The following TMEM53 variants were observed in gnomAD, a reference collection of about 807,000 sequenced individuals.
TMEM53 encodes the protein novel DUF829 domain-containing protein.
Under a neutral mutation model 21.4 loss-of-function variants are expected in TMEM53, and 14 were observed. The ratio of observed to expected loss-of-function variants is 0.65; its 90% CI spans 0.43 to 1.02. The LOEUF (loss-of-function observed/expected upper bound fraction) is 1.02, where lower values mean the gene tolerates loss of function less well. Ranked by LOEUF, TMEM53 falls within the 50% of genes least tolerant of loss-of-function variation. The pLI, the probability that TMEM53 is intolerant of heterozygous loss-of-function variation, is 0.00. For synonymous variants in TMEM53, 148 were observed against 157.4 expected (o/e 0.94, Z 0.45); for missense variants, 323 against 383.6 (o/e 0.84, Z 1.32).
Position 44,666,194 on chromosome 1 carries a change from C to G in TMEM53, c.62-5899G>C, listed in dbSNP as rs368333600. On this transcript the variant is annotated intron_variant, in intron 1 of 2. Transcript: ENST00000372237. ...AGCCACTATGAGGTATCTCTTTATA[C>G]CCAGGATGGCTATAATTAAAAAGTC... Among the ~76,000 whole-genome samples, 5 of 152,258 alleles carry G rather than the reference C, an allele frequency of 3.3e-5. No homozygotes were observed. The East Asian group carries it at 5.8e-4, about 18-fold the overall frequency.
In TMEM53 at chr1:44,673,810, C is replaced by A. The variant is rs1645044266; in HGVS notation, c.61+521G>T. On this transcript the variant is annotated intron_variant, in intron 1 of 2. Transcript: ENST00000372237. ...TAAAGGAAGGAGTCAGGATTTCAGT[C>A]GAGTTCTACCCGACGGCAGAGACTG... is the stretch of plus-strand genomic sequence containing the variant. The A allele has an allele frequency of 3.1e-6, 3 of 978,226 alleles. No individual in the cohort carries two copies. In the African/African-American group the frequency reaches 5.3e-5, roughly 17 times the overall value. 60.6% of individuals were successfully genotyped at this position (978,226 alleles called of 1,614,324 possible).
intron 1 of TMEM53, among the ~76,000 whole-genome samples, chr1:44,668,314 G>A (rs765792305): frequency 1.3e-5 from 2 of 151,966 alleles, no homozygotes; most frequent in African/African-American, 4.8e-5. Context: ...GGTGGCGGGC[G>A]CCTATAGTCC....
At chr1:44,659,160 C>T (rs1644876419) in intron 2 of TMEM53, among the ~76,000 whole-genome samples, 1 of 152,214 alleles carries the variant, frequency 6.6e-6, no homozygotes, top group South Asian at 2.1e-4. Flanking sequence ...ACATTTTCCC[C>T]CAGTCTCTCT....
At chr1:44,662,516 ACT>A (rs1434314891) in intron 1 of TMEM53, among the ~76,000 whole-genome samples, 1 of 151,916 alleles carries the variant, frequency 6.6e-6, no homozygotes. Flanking sequence ...GCTGGGTCTG[ACT>A]CTGCCCACGA....
In TMEM53 at chr1:44,655,189, GTAT is replaced by G. The variant is rs1644838441; in HGVS notation, c.201_203del (p.Tyr68del). 2 of 1,609,538 alleles carry G rather than the reference GTAT, an allele frequency of 1.2e-6. No individual in the cohort carries two copies. The highest frequency in any genetic ancestry group is 1.7e-6 in the Non-Finnish European group (2 of 1,177,762). The stretch of plus-strand genomic sequence containing the variant: ...AGAAGACCATGTGCCACGGGGCTGT[GTAT>G]CGGATTACGATGCAGCCCTGGGGAG... On this transcript the variant is annotated inframe_deletion, in exon 3 of 3. Coordinates refer to ENST00000372237, the MANE Select transcript of TMEM53 (RefSeq NM_024587.4). This position sits in a 1 kb window ranked among gnomAD's most constrained non-coding sequence, Gnocchi z 4.4.
At position 44,655,306 on chromosome 1, in the gene TMEM53, T is replaced by A. The variant is rs542994983; in HGVS notation, c.184-97A>T. 1.6e-6 allele frequency: 2 copies of A among 1,250,530 alleles called. No individual in the cohort carries two copies. The highest frequency in any genetic ancestry group is 2.2e-6 in the Non-Finnish European group (2 of 913,368). The allele number at this position is 1,250,530 out of a possible 1,614,324, so 77.5% of individuals were successfully genotyped here. On this transcript the variant is annotated intron_variant, in intron 2 of 2. Coordinates refer to ENST00000372237, the MANE Select transcript of TMEM53 (RefSeq NM_024587.4). The surrounding 1 kb of genome is among the most constrained non-coding windows in gnomAD (Gnocchi z 4.4). ...CCCAGCAACCCCAGCCTGTAGGACA[T>A]AGGCCATGGGGCCCACAGCGTCAGC...
chr1:44,657,049 C>A (rs190884094), intron 2 of TMEM53, among the ~76,000 whole-genome samples: 7 of 151,468 alleles, frequency 4.6e-5, no homozygotes, highest in Non-Finnish European at 8.8e-5. Flanking sequence ...AAAATACTAG[C>A]TTGGCGTGGT....
At position 44,664,637 on chromosome 1, in the gene TMEM53, G is replaced by A. The variant is rs1644932085; in HGVS notation, c.62-4342C>T. 2.0e-5 allele frequency among the ~76,000 whole-genome samples: 3 copies of A among 152,140 alleles called. No individual in the cohort carries two copies. In the South Asian group the frequency reaches 6.2e-4, roughly 32 times the overall value. Reference sequence around the variant, plus strand: ...TGTATCCGCTATCCTAGCCAGCCCTGTAGATAACAAAACCATCTCCATCAC... The same window carrying A: ...TGTATCCGCTATCCTAGCCAGCCCTATAGATAACAAAACCATCTCCATCAC... On this transcript the variant is annotated intron_variant, in intron 1 of 2. Coordinates refer to ENST00000372237, the MANE Select transcript of TMEM53 (RefSeq NM_024587.4).
chr1:44,657,883 CT>C (rs1017270960), intron 2 of TMEM53, among the ~76,000 whole-genome samples: 80 of 136,736 alleles, frequency 5.9e-4, no homozygotes, highest in Admixed American at 1.5e-3. Context: ...TTGGGTTGGA[CT>C]TTTTTTTTTT....
At chr1:44,668,416 C>T (rs756540476) in intron 1 of TMEM53, among the ~76,000 whole-genome samples, 4 of 152,034 alleles carry the variant, frequency 2.6e-5, no homozygotes, top group Non-Finnish European at 5.9e-5. Context: ...GAACGATATT[C>T]TGTCTTAAAA....
At position 44,653,697 on chromosome 1, in the gene TMEM53, T is replaced by A. The variant is rs1002785877; in HGVS notation, c.*862A>T. The A allele has an allele frequency of 6.6e-5, 10 of 152,286 alleles. No individual in the cohort carries two copies. The highest frequency in any genetic ancestry group is 2.2e-4 in the African/African-American group (9 of 41,474). The allele number at this position is 152,286 out of a possible 1,614,324, so 9.4% of individuals were successfully genotyped here. A position where few individuals can be genotyped will look rare whatever the true frequency, so the allele number is the denominator to read the frequency against. On this transcript the variant is annotated 3_prime_UTR_variant, in exon 3 of 3. Coordinates refer to ENST00000372237, the MANE Select transcript of TMEM53 (RefSeq NM_024587.4). ...GAGCCATGTGAATGGTACTTTACAC[T>A]GTAGGGCTTCGCCCTGCTGGAGCAA... is the stretch of plus-strand genomic sequence containing the variant.
At chr1:44,660,501 A>G (rs1484652361) in intron 1 of TMEM53, among the ~76,000 whole-genome samples, 1 of 152,212 alleles carries the variant, frequency 6.6e-6, no homozygotes, top group Non-Finnish European at 1.5e-5. Context: ...GTCACCGGAC[A>G]AACCAACACA....
Position 44,655,163 on chromosome 1 carries a change from A to G in TMEM53, c.230T>C (p.Phe77Ser). 1.3e-5 allele frequency: 21 copies of G among 1,613,568 alleles called. No homozygotes were observed. The highest frequency in any genetic ancestry group is 1.4e-5 in the Non-Finnish European group (17 of 1,179,734). ...RYTAPWHMVF[F>S]SESLGIPSLR... The stretch of plus-strand genomic sequence containing the variant: ...TGAAGGGATACCCAGTGACTCGGAG[A>G]AGAAGACCATGTGCCACGGGGCTGT... The change falls in exon 3 of 3, where the codon TTC becomes TCC. Residue 77 changes from phenylalanine (F) to serine (S), a missense_variant. Phe to Ser is a radical substitution (Grantham distance 155). This residue lies in a region of TMEM53 where 269 missense variants were observed against 334.5 expected (regional missense o/e 0.80). Transcript: ENST00000372237. The surrounding 1 kb of genome is among the most constrained non-coding windows in gnomAD (Gnocchi z 4.4).
chr1:44,673,860 G>T, intron 1 of TMEM53: 1 of 985,462 alleles, frequency 1.0e-6, no homozygotes, highest in Non-Finnish European at 1.2e-6. Context: ...GCCGAGAAGA[G>T]TGGAGAGGGA....
At chr1:44,671,143 GAAGT>G (rs1464125271) in intron 1 of TMEM53, among the ~76,000 whole-genome samples, 1 of 152,214 alleles carries the variant, frequency 6.6e-6, no homozygotes, top group Non-Finnish European at 1.5e-5. Context: ...CAAATGAAAT[GAAGT>G]AAGAGAGGGT....
chr1:44,663,866 T>G (rs1644923237), intron 1 of TMEM53, among the ~76,000 whole-genome samples: 1 of 152,154 alleles, frequency 6.6e-6, no homozygotes, highest in Non-Finnish European at 1.5e-5. Flanking sequence ...TTGTAAGCAT[T>G]TTACATATCA....
intron 1 of TMEM53, among the ~76,000 whole-genome samples, chr1:44,670,716 C>A (rs1644992527): frequency 6.6e-6 from 1 of 152,208 alleles, no homozygotes; most frequent in Non-Finnish European, 1.5e-5. Context: ...GGAGCAAAAA[C>A]CCCCTCACTT....
chr1:44,658,482 G>A (rs902262936), intron 2 of TMEM53, among the ~76,000 whole-genome samples: 3 of 152,032 alleles, frequency 2.0e-5, no homozygotes, highest in African/African-American at 7.2e-5. Context: ...CCTGGATCAT[G>A]GCAAGCCCCT....
At chr1:44,662,423 A>G (rs967112888) in intron 1 of TMEM53, among the ~76,000 whole-genome samples, 1 of 152,096 alleles carries the variant, frequency 6.6e-6, no homozygotes, top group African/African-American at 2.4e-5. Flanking sequence ...TAGTGTCCCC[A>G]TCTTCTGCCA....
Sources: allele counts gnomAD v4.1 joint callset (sites outside exome capture counted in the v4.1 genomes callset), GRCh38; gene constraint gnomAD v4.1.1; regional missense constraint gnomAD v4.1.1; non-coding constraint Gnocchi (gnomAD v3.1); transcripts MANE v1.5; gene names NCBI Gene and HGNC (gene_info 2026-07-23, HGNC 2026-07-21).